ATOSA: variants seen among roughly 807,000 people sequenced by gnomAD.
The protein encoded by ATOSA is atos homolog A.
At chr15:52,634,106 G>C in the ATOSA span, among the ~76,000 whole-genome samples, 2 of 151,570 alleles carry the variant, frequency 1.3e-5, no homozygotes, top group South Asian at 2.1e-4. Flanking sequence ...AGATAAAATA[G>C]AATTTAAAAA....
chr15:52,702,669 C>T, the ATOSA span, among the ~76,000 whole-genome samples: 13 of 151,014 alleles, frequency 8.6e-5, no homozygotes, highest in Non-Finnish European at 1.6e-4. Flanking sequence ...TGCTCAGTAC[C>T]TGGATGACAG....
chr15:52,584,145 CTTTT>C, the ATOSA span, among the ~76,000 whole-genome samples: 2 of 125,340 alleles, frequency 1.6e-5, no homozygotes, highest in African/African-American at 2.9e-5. Flanking sequence ...GCTCATATTA[CTTTT>C]TTTTTTTTTT....
At chr15:52,634,990 C>T in the ATOSA span, among the ~76,000 whole-genome samples, 1 of 151,986 alleles carries the variant, frequency 6.6e-6, no homozygotes, top group South Asian at 2.1e-4. Context: ...CAAAAGAAAG[C>T]TGGAATGGTT....
chr15:52,596,226 T>C, the ATOSA span, among the ~76,000 whole-genome samples: 1 of 152,216 alleles, frequency 6.6e-6, no homozygotes, highest in Non-Finnish European at 1.5e-5. Flanking sequence ...AAAGACTTTA[T>C]ATTTTTAAGA....
chr15:52,691,647 C>A, the ATOSA span, among the ~76,000 whole-genome samples: 1 of 151,830 alleles, frequency 6.6e-6, no homozygotes, highest in Admixed American at 6.6e-5. Flanking sequence ...CCAGCCTGGA[C>A]AACATAGTGA....
At chr15:52,585,441 T>C in the ATOSA span, 24 of 152,884 alleles carry the variant, frequency 1.6e-4, no homozygotes, top group African/African-American at 5.8e-4. Context: ...GTTTGATGTC[T>C]TAGGTACATA....
chr15:52,605,310 T>G, the ATOSA span: 1 of 1,228,036 alleles, frequency 8.1e-7, no homozygotes. Context: ...ACTTGGACAG[T>G]GTTTTTGTTT....
the ATOSA span, among the ~76,000 whole-genome samples, chr15:52,664,606 T>C: frequency 1.3e-5 from 2 of 152,188 alleles, no homozygotes; most frequent in Non-Finnish European, 2.9e-5. Flanking sequence ...TTCTTTCCAC[T>C]GCCCTAATTG....
chr15:52,658,984 C>CA, the ATOSA span, among the ~76,000 whole-genome samples: 7 of 151,554 alleles, frequency 4.6e-5, no homozygotes, highest in South Asian at 2.1e-4. Context: ...GAACCTGTCT[C>CA]AAAAAACAAA....
chr15:52,685,247 CTTTTT>C, the ATOSA span, among the ~76,000 whole-genome samples: 7 of 152,042 alleles, frequency 4.6e-5, no homozygotes, highest in Non-Finnish European at 1.0e-4. Flanking sequence ...CTAATCTTTT[CTTTTT>C]TTGTTTTAAA....
the ATOSA span, among the ~76,000 whole-genome samples, chr15:52,604,795 G>A: frequency 6.6e-6 from 1 of 152,228 alleles, no homozygotes; most frequent in Admixed American, 6.5e-5. Context: ...ATCAAAAACA[G>A]CAATAGTTTT....
At chr15:52,706,290 G>A in the ATOSA span, among the ~76,000 whole-genome samples, 102 of 152,310 alleles carry the variant, frequency 6.7e-4, no homozygotes, top group Admixed American at 2.2e-3. Context: ...TGAAGGGGGA[G>A]AAAGAACTAA....
At chr15:52,652,827 C>CTTT in the ATOSA span, among the ~76,000 whole-genome samples, 1 of 152,086 alleles carries the variant, frequency 6.6e-6, no homozygotes, top group Non-Finnish European at 1.5e-5. Flanking sequence ...GAAGTATAGA[C>CTTT]TTTTTTTCAG....
At chr15:52,690,639 T>C in the ATOSA span, among the ~76,000 whole-genome samples, 1 of 152,222 alleles carries the variant, frequency 6.6e-6, no homozygotes, top group Admixed American at 6.5e-5. Flanking sequence ...TATAGTACTG[T>C]AACAAGATGA....
the ATOSA span, among the ~76,000 whole-genome samples, chr15:52,603,395 C>T: frequency 6.6e-6 from 1 of 152,016 alleles, no homozygotes; most frequent in Admixed American, 6.5e-5. Context: ...TAAATTAGTA[C>T]AGCTACTGTG....
At chr15:52,694,682 T>A in the ATOSA span, among the ~76,000 whole-genome samples, 1 of 151,844 alleles carries the variant, frequency 6.6e-6, no homozygotes, top group Non-Finnish European at 1.5e-5. Flanking sequence ...AAAATACTCA[T>A]GAAAATTTGA....
At chr15:52,639,179 C>T in the ATOSA span, among the ~76,000 whole-genome samples, 1 of 151,318 alleles carries the variant, frequency 6.6e-6, no homozygotes, top group Admixed American at 6.6e-5. Flanking sequence ...AATATACTTA[C>T]AAGTCTTTGG....
At chr15:52,608,551 T>C in the ATOSA span, 7 of 1,536,964 alleles carry the variant, frequency 4.6e-6, no homozygotes, top group African/African-American at 2.8e-5. Context: ...ACATTTGACA[T>C]ATTAGATGTT....
the ATOSA span, among the ~76,000 whole-genome samples, chr15:52,643,897 A>T: frequency 6.6e-6 from 1 of 151,958 alleles, no homozygotes; most frequent in African/African-American, 2.4e-5. Context: ...TGGGCGACAG[A>T]GGGAGATTCA....
Sources: gnomAD v4.1 joint callset for allele counts (sites outside exome capture counted in the v4.1 genomes callset) on GRCh38, gnomAD v4.1.1 for gene constraint, MANE v1.5 for transcripts, NCBI Gene and HGNC (gene_info 2026-07-23, HGNC 2026-07-21) for gene names.